The following FBXL17 variants were observed in gnomAD, a reference collection of about 807,000 sequenced individuals.
The protein encoded by FBXL17 is F-box/LRR-repeat protein 17.
Under a neutral mutation model 66.2 loss-of-function variants are expected in FBXL17, and 22 were observed. The ratio of observed to expected loss-of-function variants is 0.33; its 90% CI spans 0.24 to 0.47. The LOEUF (loss-of-function observed/expected upper bound fraction) is 0.47. FBXL17 is among the 20% of genes least tolerant of loss of function. The pLI is 1.00. For synonymous variants in FBXL17, 474 were observed against 400.5 expected (o/e 1.18, Z -2.19); for missense variants, 878 against 948.2 (o/e 0.93, Z 0.97).
chr5:108,263,735 C>T (rs1340637389), intron 4 of FBXL17, among the ~76,000 whole-genome samples: 2 of 152,094 alleles, frequency 1.3e-5, no homozygotes, highest in Admixed American at 6.5e-5. Context: ...ATAAAAAACA[C>T]ATCTATGTAT....
intron 6 of FBXL17, among the ~76,000 whole-genome samples, chr5:108,103,925 T>C (rs1027639321): frequency 2.0e-5 from 3 of 152,224 alleles, no homozygotes; most frequent in African/African-American, 7.2e-5. Context: ...CTCTACCCGC[T>C]ATCCTTTTCC....
chr5:108,381,650 G>A lies in FBXL17; in HGVS notation c.42C>T (p.Ser14=), dbSNP rs1406454805. 1 of 1,479,812 alleles carries A rather than the reference G, an allele frequency of 6.8e-7. No individual in the cohort carries two copies. The allele number at this position is 1,479,812 out of a possible 1,614,324, so 91.7% of individuals were successfully genotyped here. The change falls in exon 1 of 9, where the codon AGC becomes AGT. Residue 14 remains serine (S), a synonymous_variant. Transcript: ENST00000542267. ...AACTGCAACAGCGAGGCCTCTTCTG[G>A]CTCGGGCGGTTACGCGGCTCCTTCG... The part of the protein sequence containing the change: ...LLSKEPRNRP[S]QKRPRCCSWC...
intron 7 of FBXL17, among the ~76,000 whole-genome samples, chr5:108,007,533 G>A (rs760762249): frequency 1.4e-4 from 20 of 145,742 alleles, no homozygotes; most frequent in East Asian, 2.0e-4. Context: ...TCTTAAAGGT[G>A]AAAAAAAAAA....
chr5:108,365,714 G>A (rs1348386633), intron 2 of FBXL17, among the ~76,000 whole-genome samples: 7 of 152,070 alleles, frequency 4.6e-5, no homozygotes, highest in Non-Finnish European at 2.9e-5. Flanking sequence ...TCTGAAGTGT[G>A]GGTAGTCTTG....
At chr5:108,031,788 G>A (rs1242148200) in intron 6 of FBXL17, among the ~76,000 whole-genome samples, 2 of 152,048 alleles carry the variant, frequency 1.3e-5, no homozygotes, top group Non-Finnish European at 2.9e-5. Context: ...AACACTTCAG[G>A]TAGAAAATCA....
At chr5:108,270,238 T>C (rs190476131) in intron 4 of FBXL17, among the ~76,000 whole-genome samples, 2 of 152,062 alleles carry the variant, frequency 1.3e-5, no homozygotes, top group African/African-American at 4.8e-5. Flanking sequence ...TCTTAAATAC[T>C]GAGAAACTCT....
At chr5:108,167,646 T>C (rs922707079) in intron 6 of FBXL17, among the ~76,000 whole-genome samples, 2 of 152,162 alleles carry the variant, frequency 1.3e-5, no homozygotes, top group African/African-American at 4.8e-5. Context: ...TTTGCCAAAA[T>C]GTCAGTGACC....
intron 3 of FBXL17, among the ~76,000 whole-genome samples, chr5:108,356,238 T>TA (rs1297054717): frequency 6.6e-6 from 1 of 151,918 alleles, no homozygotes; most frequent in Non-Finnish European, 1.5e-5. Context: ...ATATGTGAAG[T>TA]AAAAAATGAC....
At chr5:108,365,553 T>A (rs865890689) in intron 2 of FBXL17, among the ~76,000 whole-genome samples, 1 of 152,106 alleles carries the variant, frequency 6.6e-6, no homozygotes, top group East Asian at 1.9e-4. Context: ...CTATATCTTT[T>A]ATAATAAACC....
At chr5:108,108,624 C>T (rs547363961) in intron 6 of FBXL17, among the ~76,000 whole-genome samples, 2 of 152,166 alleles carry the variant, frequency 1.3e-5, no homozygotes, top group African/African-American at 4.8e-5. Flanking sequence ...TAGTTTTCTA[C>T]TGTAAAAAAA....
chr5:108,186,231 C>G lies in FBXL17; in HGVS notation c.1631G>C (p.Ser544Thr). 6.2e-7 allele frequency: 1 copy of G among 1,611,734 alleles called. No individual in the cohort carries two copies. The highest frequency in any genetic ancestry group is 1.1e-5 in the South Asian group (1 of 90,584). ...TTCAGTGATATGACGTAGGTCCAAG[C>G]TGGAAAGGTTTCTTAGCTAATGAGA... ...IHLTKLRNLS[S>T]LDLRHITELD... The change falls in exon 6 of 9, where the codon AGC (serine) becomes ACC (threonine). Residue 544 changes from serine (S) to threonine (T), a missense_variant. Around this residue, in one of 4 missense-constraint regions of FBXL17, gnomAD observed 236 missense variants for 389.1 expected, o/e 0.61. Transcript: ENST00000542267.
rs564843003 is a variant in FBXL17, at chr5:107,931,965, C to T, written c.1823-50786G>A. 2.2e-4 allele frequency among the ~76,000 whole-genome samples: 34 copies of T among 152,212 alleles called. 1 individual carries two copies. In the South Asian group the frequency reaches 4.0e-3, roughly 18 times the overall value. ...ATCACTGGTTTATATAATAAGATGGCTTATTAAAAGTACAGATTCCTGAAT... is the reference window on the plus strand; with the variant it reads ...ATCACTGGTTTATATAATAAGATGGTTTATTAAAAGTACAGATTCCTGAAT... On this transcript the variant is annotated intron_variant, in intron 7 of 8. Coordinates refer to ENST00000542267, the MANE Select transcript of FBXL17 (RefSeq NM_001163315.3).
chr5:108,313,967 C>T (rs562596553), intron 4 of FBXL17, among the ~76,000 whole-genome samples: 1 of 151,816 alleles, frequency 6.6e-6, no homozygotes, highest in East Asian at 1.9e-4. Context: ...TGTAGACTTT[C>T]ATGATAAAAA....
chr5:108,112,989 T>C (rs1750098890), intron 6 of FBXL17, among the ~76,000 whole-genome samples: 1 of 152,210 alleles, frequency 6.6e-6, no homozygotes, highest in Admixed American at 6.5e-5. Context: ...TTTCTAATAT[T>C]CTTCATCTAT....
chr5:108,152,511 G>A (rs1215136285), intron 6 of FBXL17, among the ~76,000 whole-genome samples: 1 of 151,856 alleles, frequency 6.6e-6, no homozygotes, highest in Non-Finnish European at 1.5e-5. Flanking sequence ...TTTTTGCCTC[G>A]GGCTCTAGTA....
At chr5:108,090,099 G>A (rs973884288) in intron 6 of FBXL17, among the ~76,000 whole-genome samples, 14 of 152,114 alleles carry the variant, frequency 9.2e-5, no homozygotes, top group Admixed American at 2.0e-4. Flanking sequence ...AAAGTGCTGC[G>A]ATTACAGGTG....
intron 8 of FBXL17, among the ~76,000 whole-genome samples, chr5:107,868,154 A>G (rs6869144): frequency 0.29 from 43,585 of 152,018 alleles, 8,400 homozygotes; most frequent in African/African-American, 0.54. Flanking sequence ...GGTAGCTAGA[A>G]TTTGAATTCA....
intron 5 of FBXL17, among the ~76,000 whole-genome samples, chr5:108,203,116 C>T (rs1383041066): frequency 2.6e-5 from 4 of 151,874 alleles, no homozygotes; most frequent in Admixed American, 6.6e-5. Context: ...AATGAAAGAA[C>T]ATAAGTATGT....
chr5:107,895,950 C>A (rs1010701718), intron 7 of FBXL17, among the ~76,000 whole-genome samples: 1 of 152,134 alleles, frequency 6.6e-6, no homozygotes, highest in Non-Finnish European at 1.5e-5. Flanking sequence ...TCACTTCTGG[C>A]AATCTCCTCC....
Sources: allele counts gnomAD v4.1 joint callset (sites outside exome capture counted in the v4.1 genomes callset), GRCh38; gene constraint gnomAD v4.1.1; regional missense constraint gnomAD v4.1.1; transcripts MANE v1.5; gene names NCBI Gene and HGNC (gene_info 2026-07-23, HGNC 2026-07-21).